TMEM201: variants seen among roughly 807,000 people sequenced by gnomAD.
The protein encoded by TMEM201 is RP13-15M17.2.
A neutral mutation model predicts 63.4 loss-of-function variants in TMEM201; 26 were observed. That is an observed-to-expected ratio of 0.41 (90% CI 0.30 to 0.57). TMEM201 has a LOEUF of 0.57. Among genes scored for constraint, TMEM201 ranks in the 20% least tolerant of loss-of-function variants. The pLI is 0.29. For synonymous variants in TMEM201, 417 were observed against 421.6 expected (o/e 0.99, Z 0.14); for missense variants, 794 against 917.7 (o/e 0.87, Z 1.74).
In TMEM201 at chr1:9,607,934, T is replaced by A. The variant is rs1262777255; in HGVS notation, c.1393+145T>A. On this transcript the variant is annotated intron_variant, in intron 7 of 10. Transcript: ENST00000340381. This position sits in a 1 kb window ranked among gnomAD's most constrained non-coding sequence, Gnocchi z 5.4. ...GCAGCACAGAGCTTTGAGCCTCAGTTCCCCCCAAAGAAATGGGGCTAGCTA... is the reference window on the plus strand; with the variant it reads ...GCAGCACAGAGCTTTGAGCCTCAGTACCCCCCAAAGAAATGGGGCTAGCTA... 4.9e-6 allele frequency: 4 copies of A among 817,076 alleles called. No homozygotes were observed. Among genetic ancestry groups the A allele is most frequent in the Non-Finnish European group, 7.5e-6 (4 of 535,970 alleles). 50.6% of individuals were successfully genotyped at this position (817,076 alleles called of 1,614,324 possible). A position where few individuals can be genotyped will look rare whatever the true frequency, so the allele number is the denominator to read the frequency against.
rs148013355 is a variant in TMEM201 at position 9,610,318 on chromosome 1, C to T, written c.1466-188C>T. 3.3e-3 allele frequency among the ~76,000 whole-genome samples: 503 copies of T among 152,314 alleles called. 5 individuals are homozygous for T. Among genetic ancestry groups the T allele is most frequent in the Middle Eastern group, 0.014 (4 of 294 alleles). The stretch of plus-strand genomic sequence containing the variant: ...CTGAGGCTCCGGGATCTCTCCTCTC[C>T]CTCAGGTGCCTGGTAGAGGGCACCT... On this transcript the variant is annotated intron_variant, in intron 8 of 10. Coordinates refer to ENST00000340381, the MANE Select transcript of TMEM201 (RefSeq NM_001130924.3). This position sits in a 1 kb window ranked among gnomAD's most constrained non-coding sequence, Gnocchi z 4.9.
rs533257925 is a variant in TMEM201, at chr1:9,604,860, C to T, written c.1160+2588C>T. The T allele has an allele frequency of 7.1e-6, 7 of 985,866 alleles. No homozygotes were observed. Among genetic ancestry groups the T allele is most frequent in the Admixed American group, 6.1e-5 (1 of 16,274 alleles). The allele number at this position is 985,866 out of a possible 1,614,324, so 61.1% of individuals were successfully genotyped here. The stretch of plus-strand genomic sequence containing the variant: ...AGAATTGTGGATAATTGTCTAGTGA[C>T]CCTCTCATCACTGTAACCATCGCGC... On this transcript the variant is annotated intron_variant, in intron 6 of 10. Transcript: ENST00000340381. This position sits in a 1 kb window ranked among gnomAD's most constrained non-coding sequence, Gnocchi z 4.1.
chr1:9,598,335 C>T (rs1644064471), intron 3 of TMEM201, 114 bp from the exon 4 acceptor site: 1 of 1,304,274 alleles, frequency 7.7e-7, no homozygotes, highest in East Asian at 2.4e-5. Flanking sequence ...TTGACTTGCC[C>T]CCGGTCATCC....
At chr1:9,598,393 A>G in intron 3 of TMEM201, 56 bp from the exon 4 acceptor site, 1 of 1,573,824 alleles carries the variant, frequency 6.4e-7, no homozygotes, top group Non-Finnish European at 8.7e-7. Flanking sequence ...GACCTGTAAG[A>G]TGGAGGCAGC....
In TMEM201 at chr1:9,589,023, G is replaced by T; in HGVS notation, c.93G>T (p.Leu31Phe). 1 of 1,158,620 alleles carries T rather than the reference G, an allele frequency of 8.6e-7. No individual in the cohort carries two copies. The allele number at this position is 1,158,620 out of a possible 1,614,324, so 71.8% of individuals were successfully genotyped here. The change falls in exon 1 of 11, where the codon TTG (leucine) becomes TTT (phenylalanine). Residue 31 changes from leucine to phenylalanine, a missense_variant. Coordinates refer to ENST00000340381, the MANE Select transcript of TMEM201 (RefSeq NM_001130924.3). Reference sequence around the variant, plus strand: ...CGGCGTGCGCCGCGGCCGGCGTGTTGCTCTACCGGATCGCGCGGAGGTGAG... The same window carrying T: ...CGGCGTGCGCCGCGGCCGGCGTGTTTCTCTACCGGATCGCGCGGAGGTGAG... ...GVTACAAAGVLLYRIARRMKP... is the reference protein window; with the variant it reads ...GVTACAAAGVFLYRIARRMKP...
In TMEM201 at chr1:9,610,140, C is replaced by T. The variant is rs756422183; in HGVS notation, c.1465+229C>T. Among the ~76,000 whole-genome samples the T allele has an allele frequency of 1.3e-5, 2 of 152,194 alleles. No homozygotes were observed. Among genetic ancestry groups the T allele is most frequent in the African/African-American group, 2.4e-5 (1 of 41,450 alleles). ...CATGCTGCTCTGCCGTCCTCAGTGG[C>T]AGTCACGGCTGGAACTGGTGCACCA... On this transcript the variant is annotated intron_variant, in intron 8 of 10. Coordinates refer to ENST00000340381, the MANE Select transcript of TMEM201 (RefSeq NM_001130924.3). The surrounding 1 kb of genome is among the most constrained non-coding windows in gnomAD (Gnocchi z 4.9).
intron 1 of TMEM201, among the ~76,000 whole-genome samples, chr1:9,592,050 G>A (rs1017075883): frequency 2.6e-5 from 4 of 152,260 alleles, no homozygotes; most frequent in African/African-American, 9.6e-5. Context: ...CGCACCAGGA[G>A]CGACCCTAGA....
At chr1:9,612,740 C>A (rs189423769) in intron 10 of TMEM201, among the ~76,000 whole-genome samples, 52 of 152,330 alleles carry the variant, frequency 3.4e-4, no homozygotes, top group Middle Eastern at 3.4e-3. Context: ...GACAGCCCAG[C>A]CCATGGCCTT....
At chr1:9,597,687 G>T (rs1644051639) in intron 3 of TMEM201, among the ~76,000 whole-genome samples, 1 of 152,334 alleles carries the variant, frequency 6.6e-6, no homozygotes, top group Admixed American at 6.5e-5. Context: ...GTCCCAGCTG[G>T]GGCCCAGAGA....
rs1048290531 is a variant in TMEM201, at chr1:9,596,153, G to A, written c.234+143G>A. ...ATACCCTGTCCTCTCCAGGCCCTGAGCATGGTGTTTCGTGTACATTGTCTC... is the reference window on the plus strand; with the variant it reads ...ATACCCTGTCCTCTCCAGGCCCTGAACATGGTGTTTCGTGTACATTGTCTC... On this transcript the variant is annotated intron_variant, in intron 2 of 10. Transcript: ENST00000340381. 6 of 1,127,842 alleles carry A rather than the reference G, an allele frequency of 5.3e-6. No individual in the cohort carries two copies. In the East Asian group the frequency reaches 1.0e-4, roughly 20 times the overall value. 69.9% of individuals were successfully genotyped at this position (1,127,842 alleles called of 1,614,324 possible).
At chr1:9,596,786 C>A (rs771658915) in intron 2 of TMEM201, 73 bp from the exon 3 acceptor site, 2 of 1,475,310 alleles carry the variant, frequency 1.4e-6, no homozygotes, top group Non-Finnish European at 9.2e-7. Flanking sequence ...GCGGGGCGGG[C>A]CCCCAGGGAC....
Position 9,610,904 on chromosome 1 carries a change from C to T in TMEM201, c.1765+99C>T, listed in dbSNP as rs368489152. 266 of 1,486,612 alleles carry T rather than the reference C, an allele frequency of 1.8e-4. 3 individuals carry two copies. In the South Asian group the frequency reaches 2.4e-3, roughly 13 times the overall value. 92.1% of individuals were successfully genotyped at this position (1,486,612 alleles called of 1,614,324 possible). ...GGGGGGCTCATCCTTGCTCTGACTCCGGTGTGCGCCTTCCCACCCTGGAGC... is the reference window on the plus strand; with the variant it reads ...GGGGGGCTCATCCTTGCTCTGACTCTGGTGTGCGCCTTCCCACCCTGGAGC... On this transcript the variant is annotated intron_variant, in intron 9 of 10. Transcript: ENST00000340381. This position sits in a 1 kb window ranked among gnomAD's most constrained non-coding sequence, Gnocchi z 4.9.
chr1:9,604,169 A>T lies in TMEM201; in HGVS notation c.1160+1897A>T. On this transcript the variant is annotated intron_variant, in intron 6 of 10. Coordinates refer to ENST00000340381, the MANE Select transcript of TMEM201 (RefSeq NM_001130924.3). This position sits in a 1 kb window ranked among gnomAD's most constrained non-coding sequence, Gnocchi z 4.1. ...CTTCGGTTCTCGAGGAAGTGTTGAC[A>T]GTGTGATGCTAATGTCTGCTTTTCT... The T allele has an allele frequency of 5.1e-6, 5 of 985,452 alleles. No homozygotes were observed. The highest frequency in any genetic ancestry group is 6.0e-6 in the Non-Finnish European group (5 of 829,948). The allele number at this position is 985,452 out of a possible 1,614,324, so 61.0% of individuals were successfully genotyped here. A position where few individuals can be genotyped will look rare whatever the true frequency, so the allele number is the denominator to read the frequency against.
At chr1:9,590,035 G>A (rs115684451) in intron 1 of TMEM201, among the ~76,000 whole-genome samples, 3,282 of 152,270 alleles carry the variant, frequency 0.022, 122 homozygotes, top group African/African-American at 0.076. Flanking sequence ...GGGGGGAAAC[G>A]GGGAAAAAGA....
In TMEM201 at chr1:9,604,171, T is replaced by C. The variant is rs1038934925; in HGVS notation, c.1160+1899T>C. The C allele has an allele frequency of 2.6e-5, 26 of 985,258 alleles. No homozygotes were observed. The highest frequency in any genetic ancestry group is 5.2e-4 in the Middle Eastern group (1 of 1,936). 61.0% of individuals were successfully genotyped at this position (985,258 alleles called of 1,614,324 possible). ...TCGGTTCTCGAGGAAGTGTTGACAG[T>C]GTGATGCTAATGTCTGCTTTTCTTG... On this transcript the variant is annotated intron_variant, in intron 6 of 10. Coordinates refer to ENST00000340381, the MANE Select transcript of TMEM201 (RefSeq NM_001130924.3). The surrounding 1 kb of genome is among the most constrained non-coding windows in gnomAD (Gnocchi z 4.1).
At chr1:9,602,556 G>C (rs576964186) in intron 6 of TMEM201, 85 of 1,347,776 alleles carry the variant, frequency 6.3e-5, no homozygotes, top group Middle Eastern at 5.7e-4. Context: ...CTGGCCTGGT[G>C]ACTGGAATGT....
rs1029002834 is a variant in TMEM201, at chr1:9,610,762, T to C, written c.1722T>C (p.His574=). Residue 574 remains histidine (H), a synonymous_variant, in exon 9 of 11, where the codon CAT becomes CAC. Transcript: ENST00000340381. The surrounding 1 kb of genome is among the most constrained non-coding windows in gnomAD (Gnocchi z 4.9). The part of the protein sequence containing the change: ...NGSLFTMEPP[H]VPRKPPLQDV... ...GCCTCTTCACCATGGAGCCGCCCCA[T>C]GTTCCCCGGAAGCCGCCCCTGCAGG... 2.6e-6 allele frequency: 4 copies of C among 1,548,512 alleles called. No individual in the cohort carries two copies. Among genetic ancestry groups the C allele is most frequent in the Non-Finnish European group, 3.5e-6 (4 of 1,145,426 alleles).
In TMEM201 at chr1:9,612,756, C is replaced by T. The variant is rs1000252564; in HGVS notation, c.1904-230C>T. On this transcript the variant is annotated intron_variant, in intron 10 of 10. Coordinates refer to ENST00000340381, the MANE Select transcript of TMEM201 (RefSeq NM_001130924.3). ...ACAGCCCAGCCCATGGCCTTCCTGG[C>T]GGCTCAGGGTTAGGAAAAGCTGTGC... 2.0e-5 allele frequency among the ~76,000 whole-genome samples: 3 copies of T among 152,210 alleles called. 1 individual carries two copies. The highest frequency in any genetic ancestry group is 4.1e-4 in the South Asian group (2 of 4,824).
chr1:9,612,731 ACAG>A (rs1313368925), intron 10 of TMEM201, among the ~76,000 whole-genome samples: 1 of 152,144 alleles, frequency 6.6e-6, no homozygotes. Flanking sequence ...CCAGCTCATG[ACAG>A]CCCAGCCCAT....
Sources: allele counts gnomAD v4.1 joint callset (sites outside exome capture counted in the v4.1 genomes callset), GRCh38; gene constraint gnomAD v4.1.1; non-coding constraint Gnocchi (gnomAD v3.1); transcripts MANE v1.5; gene names NCBI Gene and HGNC (gene_info 2026-07-23, HGNC 2026-07-21).